TEX2: variants seen among roughly 807,000 people sequenced by gnomAD.
TEX2 encodes testis-expressed protein 2.
Under a neutral mutation model 106.9 loss-of-function variants are expected in TEX2, and 53 were observed. The observed-to-expected ratio is 0.50, with a 90% confidence interval of 0.40 to 0.62. The LOEUF is 0.62. Among genes scored for constraint, TEX2 ranks in the 20% least tolerant of loss-of-function variants. The pLI, the probability that TEX2 is intolerant of heterozygous loss-of-function variation, is 0.00. For synonymous variants in TEX2, 523 were observed against 534.8 expected (o/e 0.98, Z 0.30); for missense variants, 1,207 against 1,379.0 (o/e 0.88, Z 1.98).
At chr17:64,193,462 G>GGGTTCCTT in intron 4 of TEX2, 97 bp downstream of exon 4, 5 of 1,001,596 alleles carry the variant, frequency 5.0e-6, no homozygotes, top group Non-Finnish European at 6.9e-6. Flanking sequence ...GTTCAGGGTG[G>GGGTTCCTT]GCTTCCTTCC....
At chr17:64,207,402 G>A (rs947237197) in intron 2 of TEX2, among the ~76,000 whole-genome samples, 1 of 152,164 alleles carries the variant, frequency 6.6e-6, no homozygotes, top group African/African-American at 2.4e-5. Flanking sequence ...GATCTCGGTC[G>A]CAGGCAGGTA....
At chr17:64,178,824 A>G (rs541352529) in intron 5 of TEX2, among the ~76,000 whole-genome samples, 2 of 152,356 alleles carry the variant, frequency 1.3e-5, no homozygotes, top group East Asian at 3.9e-4. Context: ...GTGCTTGTGC[A>G]TTCGTGCCAG....
rs1555632764 is a variant in TEX2, at chr17:64,217,305, C to T, written c.-25-3063G>A. Among the ~76,000 whole-genome samples the T allele has an allele frequency of 2.0e-5, 3 of 152,140 alleles. No homozygotes were observed. Among genetic ancestry groups the T allele is most frequent in the African/African-American group, 4.8e-5 (2 of 41,434 alleles). On this transcript the variant is annotated intron_variant, in intron 1 of 11. Coordinates refer to ENST00000584379, the MANE Select transcript of TEX2 (RefSeq NM_001288732.2). The surrounding 1 kb of genome is among the most constrained non-coding windows in gnomAD (Gnocchi z 4.3). ...GGCTGGCTGCTAAGGCCAACTGAGC[C>T]GACCCTCCCACAGCCACAGCCATGC...
chr17:64,157,687 T>C (rs1326232914), intron 8 of TEX2, among the ~76,000 whole-genome samples: 1 of 152,256 alleles, frequency 6.6e-6, no homozygotes, highest in African/African-American at 2.4e-5. Context: ...TCTATACACC[T>C]GCCACAGGCA....
At position 64,160,947 on chromosome 17, in the gene TEX2, G is replaced by GA. The variant is rs2030854765; in HGVS notation, c.2672-15dup. On this transcript the variant is annotated splice_polypyrimidine_tract_variant and intron_variant, in intron 7 of 11. Transcript: ENST00000584379. Reference sequence around the variant, plus strand: ...CAATCCAGAGTCCTGGAGAAATGGTGAAAAAACAGAAGGTTTTTTTCCCTC... The same window carrying GA: ...CAATCCAGAGTCCTGGAGAAATGGTGAAAAAAACAGAAGGTTTTTTTCCCTC... 5.0e-6 allele frequency: 8 copies of GA among 1,600,038 alleles called. No homozygotes were observed. The East Asian group carries it at 1.3e-4, about 27-fold the overall frequency.
At chr17:64,222,759 C>T (rs782688280) in intron 1 of TEX2, among the ~76,000 whole-genome samples, 21 of 147,868 alleles carry the variant, frequency 1.4e-4, no homozygotes, top group Non-Finnish European at 2.5e-4. Context: ...TTAGTGTTTA[C>T]ACTACAGTGT....
intron 1 of TEX2, among the ~76,000 whole-genome samples, chr17:64,261,990 C>T (rs1178758650): frequency 6.6e-6 from 1 of 152,246 alleles, no homozygotes; most frequent in Non-Finnish European, 1.5e-5. Flanking sequence ...ACCTGCCCTC[C>T]ATTTTTCCTT....
At chr17:64,169,930 G>A (rs28651351) in intron 7 of TEX2, among the ~76,000 whole-genome samples, 2,147 of 152,244 alleles carry the variant, frequency 0.014, 51 homozygotes, top group African/African-American at 0.048. Flanking sequence ...CAGTAAAAAC[G>A]TCAGTGAGAA....
intron 4 of TEX2, among the ~76,000 whole-genome samples, chr17:64,189,412 G>A (rs1430284556): frequency 1.3e-5 from 2 of 152,150 alleles, no homozygotes; most frequent in East Asian, 1.9e-4. Flanking sequence ...GAGTATTCCA[G>A]GTACAGGAAG....
intron 1 of TEX2, among the ~76,000 whole-genome samples, chr17:64,238,729 C>T (rs1329310630): frequency 1.3e-5 from 2 of 152,220 alleles, no homozygotes; most frequent in Non-Finnish European, 1.5e-5. Flanking sequence ...TACCTCCCAC[C>T]AGGTCCCTCC....
chr17:64,195,057 G>A lies in TEX2; in HGVS notation c.1683C>T (p.Thr561=), dbSNP rs144297176. ...CTGAATGTGTCAAAGTCGCATGGTA[G>A]GTTTCTGGATCATAGTTGTAAATCT... is the stretch of plus-strand genomic sequence containing the variant. ...MNEIYNYDPE[T]YHATLTHSVF... The change falls in exon 3 of 12, where the codon ACC becomes ACT. Residue 561 remains threonine (T), a synonymous_variant. Coordinates refer to ENST00000584379, the MANE Select transcript of TEX2 (RefSeq NM_001288732.2). This position sits in a 1 kb window ranked among gnomAD's most constrained non-coding sequence, Gnocchi z 4.1. The A allele has an allele frequency of 1.2e-5, 20 of 1,614,122 alleles. No homozygotes were observed. The African/African-American group carries it at 2.7e-4, about 22-fold the overall frequency.
chr17:64,196,981 G>GGTTTTTTT (rs2032490681), intron 2 of TEX2, among the ~76,000 whole-genome samples: 1 of 41,730 alleles, frequency 2.4e-5, no homozygotes, highest in Non-Finnish European at 6.1e-5. Flanking sequence ...GTCAAATCAA[G>GGTTTTTTT]ATTTTTTTTT....
intron 2 of TEX2, among the ~76,000 whole-genome samples, chr17:64,208,296 T>C (rs1201775284): frequency 1.3e-5 from 2 of 151,964 alleles, no homozygotes; most frequent in African/African-American, 2.4e-5. Flanking sequence ...TGGAGTGCGG[T>C]GGCATGATCA....
chr17:64,152,661 C>T (rs2030413681), intron 10 of TEX2, among the ~76,000 whole-genome samples: 1 of 152,208 alleles, frequency 6.6e-6, no homozygotes, highest in Non-Finnish European at 1.5e-5. Context: ...GTTGGCTTTA[C>T]AGAGGAGGAA....
intron 10 of TEX2, among the ~76,000 whole-genome samples, chr17:64,152,260 ATGCTG>A: frequency 6.6e-6 from 1 of 152,314 alleles, no homozygotes; most frequent in East Asian, 1.9e-4. Context: ...ACAGGCAGTG[ATGCTG>A]AACTCATCAG....
intron 1 of TEX2, among the ~76,000 whole-genome samples, chr17:64,257,958 C>G (rs1472640253): frequency 1.1e-4 from 16 of 151,330 alleles, no homozygotes; most frequent in African/African-American, 3.2e-4. Context: ...GTCGCCCAGG[C>G]TGGAATGCAA....
At chr17:64,258,003 C>T (rs2034217241) in intron 1 of TEX2, among the ~76,000 whole-genome samples, 1 of 152,020 alleles carries the variant, frequency 6.6e-6, no homozygotes, top group African/African-American at 2.4e-5. Context: ...CCTCCGCCTC[C>T]TGGGCTCAAG....
At chr17:64,253,652 T>C (rs1416916202) in intron 1 of TEX2, among the ~76,000 whole-genome samples, 1 of 152,078 alleles carries the variant, frequency 6.6e-6, no homozygotes, top group Non-Finnish European at 1.5e-5. Flanking sequence ...GAGTCGTTTA[T>C]AAGATAAAAA....
chr17:64,228,963 CA>C (rs2143288094), intron 1 of TEX2, among the ~76,000 whole-genome samples: 1 of 100,210 alleles, frequency 1.0e-5, no homozygotes, highest in Non-Finnish European at 2.3e-5. Flanking sequence ...CACACACACA[CA>C]CACACACCTT....
Sources: allele counts gnomAD v4.1 joint callset (sites outside exome capture counted in the v4.1 genomes callset), GRCh38; gene constraint gnomAD v4.1.1; non-coding constraint Gnocchi (gnomAD v3.1); transcripts MANE v1.5; gene names NCBI Gene and HGNC (gene_info 2026-07-23, HGNC 2026-07-21).